DPP6: variants seen among roughly 807,000 people sequenced by gnomAD.
DPP6 encodes dipeptidyl peptidase like 6.
Under a neutral mutation model 122.6 loss-of-function variants are expected in DPP6, and 69 were observed. That is an observed-to-expected ratio of 0.56 (90% CI 0.46 to 0.69). DPP6 has a LOEUF of 0.69. Ranked by LOEUF, DPP6 falls within the 30% of genes least tolerant of loss-of-function variation. DPP6 has a pLI of 0.00. For missense variants in DPP6, 928 were observed against 1,116.9 expected (o/e 0.83, Z 2.41); for synonymous variants, 418 against 433.1 (o/e 0.97, Z 0.43).
chr7:154,359,972 G>C (rs902703035), intron 1 of DPP6, among the ~76,000 whole-genome samples: 1 of 152,212 alleles, frequency 6.6e-6, no homozygotes, highest in African/African-American at 2.4e-5. Context: ...TGATCGAGCT[G>C]CGAGCTGCCG....
intron 1 of DPP6, among the ~76,000 whole-genome samples, chr7:154,393,412 A>G (rs960092549): frequency 5.3e-5 from 8 of 152,222 alleles, no homozygotes; most frequent in Admixed American, 5.2e-4. Context: ...TTCTTTAAGC[A>G]TAAGTTACTC....
At chr7:154,221,649 G>A (rs1800313111) in intron 1 of DPP6, among the ~76,000 whole-genome samples, 1 of 152,154 alleles carries the variant, frequency 6.6e-6, no homozygotes, top group Non-Finnish European at 1.5e-5. Flanking sequence ...ACAGGAAGGT[G>A]GCTTAACTAT....
the DPP6 span, among the ~76,000 whole-genome samples, chr7:153,773,264 C>CGTGTGTGTGT: frequency 9.3e-3 from 1,233 of 132,442 alleles, 18 homozygotes; most frequent in African/African-American, 0.015. Flanking sequence ...TCTTTTCTTT[C>CGTGTGTGTGT]GTGTGTGTGT....
At chr7:154,003,774 T>C (rs1366379825) in intron 1 of DPP6, among the ~76,000 whole-genome samples, 1 of 152,054 alleles carries the variant, frequency 6.6e-6, no homozygotes, top group Non-Finnish European at 1.5e-5. Flanking sequence ...CATCTCTCCT[T>C]CTCTGCCTCC....
intron 22 of DPP6, 50 bp downstream of exon 22, chr7:154,885,794 C>T (rs1563327887): frequency 1.0e-5 from 16 of 1,548,792 alleles, no homozygotes; most frequent in East Asian, 7.3e-5. Flanking sequence ...CGCCCCGCCC[C>T]GCCCCCTGCC....
At chr7:154,077,704 C>T (rs943047369) in intron 1 of DPP6, among the ~76,000 whole-genome samples, 1 of 150,198 alleles carries the variant, frequency 6.7e-6, no homozygotes, top group Non-Finnish European at 1.5e-5. Context: ...CAGAGTCTCA[C>T]TCTGTCACCA....
At chr7:154,676,237 T>C (rs1003696708) in intron 7 of DPP6, among the ~76,000 whole-genome samples, 3 of 149,768 alleles carry the variant, frequency 2.0e-5, no homozygotes, top group African/African-American at 7.4e-5. Context: ...TGTGACCTGC[T>C]ACACAGGTGT....
chr7:154,681,160 G>T (rs994560202), intron 7 of DPP6, among the ~76,000 whole-genome samples: 14 of 152,106 alleles, frequency 9.2e-5, no homozygotes, highest in Admixed American at 9.2e-4. Flanking sequence ...TTAAGGAAAA[G>T]GTGGATGCAG....
intron 1 of DPP6, among the ~76,000 whole-genome samples, chr7:154,131,885 G>A (rs913015874): frequency 6.6e-5 from 10 of 152,098 alleles, no homozygotes; most frequent in African/African-American, 2.4e-4. Context: ...TTCATAAATT[G>A]TGTACTCTCT....
At chr7:153,928,395 C>CCTTTTTT (rs1467865041) in intron 1 of DPP6, among the ~76,000 whole-genome samples, 3 of 29,992 alleles carry the variant, frequency 1.0e-4, no homozygotes, top group African/African-American at 1.3e-4. Flanking sequence ...TCTTTTCTTT[C>CCTTTTTT]ATTTTTTTTT....
At chr7:154,638,189 C>T (rs1835848046) in intron 6 of DPP6, among the ~76,000 whole-genome samples, 1 of 152,166 alleles carries the variant, frequency 6.6e-6, no homozygotes, top group South Asian at 2.1e-4. Context: ...TTTGTAATCA[C>T]CTGCAGCCTC....
intron 1 of DPP6, among the ~76,000 whole-genome samples, chr7:154,196,352 C>T (rs868669263): frequency 6.6e-5 from 10 of 152,080 alleles, no homozygotes; most frequent in Non-Finnish European, 1.5e-4. Flanking sequence ...TAGCTGGGCA[C>T]GTTGGTTCAC....
chr7:154,617,934 A>G (rs531201580), intron 5 of DPP6, among the ~76,000 whole-genome samples: 1 of 152,036 alleles, frequency 6.6e-6, no homozygotes, highest in African/African-American at 2.4e-5. Context: ...GAGTGGCTTC[A>G]TTAAAGAAGG....
intron 1 of DPP6, among the ~76,000 whole-genome samples, chr7:154,081,609 G>A (rs1331336947): frequency 6.7e-6 from 1 of 148,506 alleles, no homozygotes; most frequent in Non-Finnish European, 1.5e-5. Flanking sequence ...GCGGGCCTTG[G>A]TTCATGATCC....
At chr7:153,947,507 TAAG>T (rs1036202036) in intron 1 of DPP6, among the ~76,000 whole-genome samples, 10 of 152,208 alleles carry the variant, frequency 6.6e-5, no homozygotes, top group African/African-American at 9.6e-5. Flanking sequence ...ATAATAATAA[TAAG>T]AGAAAATTAC....
chr7:154,696,608 C>G (rs1840231477), intron 7 of DPP6, among the ~76,000 whole-genome samples: 1 of 152,216 alleles, frequency 6.6e-6, no homozygotes, highest in South Asian at 2.1e-4. Context: ...GCCTGCCAGC[C>G]TGGTCCCCAT....
chr7:154,645,837 G>T (rs1836430840), intron 6 of DPP6, among the ~76,000 whole-genome samples: 1 of 151,812 alleles, frequency 6.6e-6, no homozygotes, highest in Non-Finnish European at 1.5e-5. Flanking sequence ...GACCAGCCTG[G>T]CTAACACGGT....
chr7:153,987,522 A>G (rs542182036), intron 1 of DPP6, among the ~76,000 whole-genome samples: 256 of 152,248 alleles, frequency 1.7e-3, no homozygotes, highest in Non-Finnish European at 1.9e-3. Context: ...ATTCACACAT[A>G]TAATTTACAG....
chr7:153,793,891 G>A, the DPP6 span, among the ~76,000 whole-genome samples: 13 of 151,922 alleles, frequency 8.6e-5, no homozygotes, highest in African/African-American at 2.9e-4. Flanking sequence ...CTCAGAAGGT[G>A]TAAGCCCCAA....
Sources: allele counts gnomAD v4.1 joint callset (sites outside exome capture counted in the v4.1 genomes callset), GRCh38; gene constraint gnomAD v4.1.1; transcripts MANE v1.5; gene names NCBI Gene and HGNC (gene_info 2026-07-23, HGNC 2026-07-21).